The following LIPC variants were observed in gnomAD, a reference collection of about 807,000 sequenced individuals.
LIPC encodes the protein hepatic triacylglycerol lipase.
Under a neutral mutation model 50.7 loss-of-function variants are expected in LIPC, and 44 were observed. The ratio of observed to expected loss-of-function variants is 0.87; its 90% CI spans 0.68 to 1.11. The LOEUF (loss-of-function observed/expected upper bound fraction) is 1.11, where lower values mean the gene tolerates loss of function less well. Among genes scored for constraint, LIPC ranks in the 50% most tolerant of loss-of-function variants. The pLI, the probability that LIPC is intolerant of heterozygous loss-of-function variation, is 0.00. For synonymous variants in LIPC, 271 were observed against 256.4 expected, an observed-to-expected ratio of 1.06 and a Z score of -0.54; for missense variants, 697 against 648.2, an observed-to-expected ratio of 1.08 and a Z score of -0.82.
intron 6 of LIPC, among the ~76,000 whole-genome samples, chr15:58,559,465 C>T (rs1894074343): frequency 6.6e-6 from 1 of 152,206 alleles, no homozygotes; most frequent in Non-Finnish European, 1.5e-5. Flanking sequence ...CCAAACCAGA[C>T]ACTCATCTTG....
chr15:58,500,956 G>A (rs2140836868), intron 1 of LIPC, among the ~76,000 whole-genome samples: 1 of 152,054 alleles, frequency 6.6e-6, no homozygotes, highest in South Asian at 2.1e-4. Flanking sequence ...TACTTTTGGG[G>A]TGCATTGCTC....
At chr15:58,532,157 G>T (rs909103342) in intron 1 of LIPC, among the ~76,000 whole-genome samples, 5 of 152,204 alleles carry the variant, frequency 3.3e-5, no homozygotes, top group Non-Finnish European at 5.9e-5. Flanking sequence ...AAGATGGTGG[G>T]AGTGGGAGAA....
At chr15:58,498,302 A>T (rs1440281829) in intron 1 of LIPC, among the ~76,000 whole-genome samples, 1 of 152,120 alleles carries the variant, frequency 6.6e-6, no homozygotes, top group African/African-American at 2.4e-5. Context: ...ATAGGTCTAG[A>T]GCGGGACTTA....
intron 1 of LIPC, among the ~76,000 whole-genome samples, chr15:58,532,850 C>T (rs1267629038): frequency 2.0e-5 from 3 of 152,184 alleles, no homozygotes; most frequent in African/African-American, 7.2e-5. Context: ...TATGAAATAT[C>T]AGGAACCCTC....
intron 6 of LIPC, among the ~76,000 whole-genome samples, chr15:58,549,956 G>A (rs1393060833): frequency 6.6e-6 from 1 of 152,216 alleles, no homozygotes; most frequent in Non-Finnish European, 1.5e-5. Flanking sequence ...TGGCAATGCC[G>A]CCTGGAGTGA....
At chr15:58,565,913 C>CA (rs55871337) in intron 8 of LIPC, 46,015 of 927,260 alleles carry the variant, frequency 0.05, 590 homozygotes, top group African/African-American at 0.18. Flanking sequence ...TCGGAGAATA[C>CA]AAAAAAAAAA....
chr15:58,497,303 C>T (rs1266796688), intron 1 of LIPC, among the ~76,000 whole-genome samples: 2 of 152,164 alleles, frequency 1.3e-5, no homozygotes, highest in Non-Finnish European at 2.9e-5. Flanking sequence ...CCCCTGCCAC[C>T]CGTGGTGGGA....
chr15:58,444,122 G>A (rs1386621111), intron 1 of LIPC, among the ~76,000 whole-genome samples: 4 of 152,174 alleles, frequency 2.6e-5, no homozygotes, highest in Non-Finnish European at 4.4e-5. Flanking sequence ...TCCTGCCTGC[G>A]ACACAGGTCT....
intron 7 of LIPC, among the ~76,000 whole-genome samples, chr15:58,561,207 T>A (rs1423288926): frequency 1.3e-5 from 2 of 152,130 alleles, no homozygotes; most frequent in Non-Finnish European, 2.9e-5. Context: ...GTATCCAAGG[T>A]GGTCAGGCTA....
chr15:58,435,503 G>T (rs1334404516), intron 1 of LIPC: 1 of 152,164 alleles, frequency 6.6e-6, no homozygotes, highest in African/African-American at 2.4e-5. Context: ...AGGGAATAGG[G>T]GGCCATGGGA....
intron 1 of LIPC, among the ~76,000 whole-genome samples, chr15:58,490,964 T>C (rs1415436781): frequency 6.6e-6 from 1 of 152,128 alleles, no homozygotes; most frequent in African/African-American, 2.4e-5. Context: ...GCGAGCCCAT[T>C]AAATAGCCAG....
At chr15:58,511,226 A>C (rs1227453269) in intron 1 of LIPC, among the ~76,000 whole-genome samples, 1 of 151,836 alleles carries the variant, frequency 6.6e-6, no homozygotes, top group Non-Finnish European at 1.5e-5. Context: ...TCCAGCTAAG[A>C]CTTCTCAGCT....
In LIPC at chr15:58,548,591, A is replaced by T. The variant is rs1263149125; in HGVS notation, c.1051+19A>T. 6.3e-7 allele frequency: 1 copy of T among 1,581,464 alleles called. No individual in the cohort carries two copies. Among genetic ancestry groups the T allele is most frequent in the Non-Finnish European group, 8.6e-7 (1 of 1,165,416 alleles). On this transcript the variant is annotated intron_variant, in intron 6 of 8. Transcript: ENST00000299022. ...TTCAAAGGTGAGTGTGGAGCTGGGG[A>T]GCCTTCAGAAGGGCAGGATGCAGTC...
chr15:58,457,830 A>G (rs947542537), intron 1 of LIPC, among the ~76,000 whole-genome samples: 4 of 152,154 alleles, frequency 2.6e-5, no homozygotes, highest in Non-Finnish European at 4.4e-5. Context: ...CACCTCCGTG[A>G]TTCACACAAT....
At chr15:58,539,161 T>A (rs1259021215) in intron 2 of LIPC, among the ~76,000 whole-genome samples, 7 of 152,142 alleles carry the variant, frequency 4.6e-5, no homozygotes, top group African/African-American at 1.7e-4. Context: ...GGAAGCACAA[T>A]GTAGTAAAAG....
Position 58,563,676 on chromosome 15 carries a change from C to A in LIPC, c.1341C>A (p.Gly447=). ...IPWSTGPRHS[G]LVLKTIRVKA... is the part of the protein sequence containing the mutation. Reference sequence around the variant, plus strand: ...GGAGCACAGGGCCGCGCCACTCAGGCCTCGTTCTGAAGACGATCAGAGTCA... The same window carrying A: ...GGAGCACAGGGCCGCGCCACTCAGGACTCGTTCTGAAGACGATCAGAGTCA... Residue 447 remains glycine, a synonymous_variant, in exon 8 of 9, where the codon GGC becomes GGA. Coordinates refer to ENST00000299022, the MANE Select transcript of LIPC (RefSeq NM_000236.3). 6.2e-7 allele frequency: 1 copy of A among 1,613,938 alleles called. No homozygotes were observed. The highest frequency in any genetic ancestry group is 1.3e-5 in the African/African-American group (1 of 75,050).
At chr15:58,486,705 A>T (rs569368317) in intron 1 of LIPC, among the ~76,000 whole-genome samples, 11 of 152,354 alleles carry the variant, frequency 7.2e-5, no homozygotes, top group South Asian at 2.1e-4. Flanking sequence ...AGCAAGACAC[A>T]GGGCCTGAGA....
intron 1 of LIPC, among the ~76,000 whole-genome samples, chr15:58,486,954 G>A (rs1415861533): frequency 1.3e-5 from 2 of 152,290 alleles, no homozygotes; most frequent in African/African-American, 4.8e-5. Flanking sequence ...TGGTGAGCAC[G>A]GGCCCACAGT....
At chr15:58,540,259 G>C (rs1001838581) in intron 2 of LIPC, among the ~76,000 whole-genome samples, 6 of 152,194 alleles carry the variant, frequency 3.9e-5, no homozygotes, top group African/African-American at 1.4e-4. Flanking sequence ...GTCCAACCTA[G>C]TATATGTCTC....
Sources: allele counts gnomAD v4.1 joint callset (sites outside exome capture counted in the v4.1 genomes callset), GRCh38; gene constraint gnomAD v4.1.1; transcripts MANE v1.5; gene names NCBI Gene and HGNC (gene_info 2026-07-23, HGNC 2026-07-21).